Variants in SMARCA2 observed in about 807,000 individuals in gnomAD.
SMARCA2 encodes SWI/SNF-related matrix-associated actin-dependent regulator of chromatin subfamily A member 2.
Under a neutral mutation model 199.8 loss-of-function variants are expected in SMARCA2, and 61 were observed. The observed-to-expected ratio is 0.31, with a 90% CI of 0.25 to 0.38. The LOEUF (loss-of-function observed/expected upper bound fraction) is 0.38, where lower values mean the gene tolerates loss of function less well. Among genes scored for constraint, SMARCA2 ranks in the 10% least tolerant of loss-of-function variants. SMARCA2 has a pLI of 1.00. For missense variants in SMARCA2, 1,344 were observed against 2,012.2 expected (o/e 0.67, Z 6.35); for synonymous variants, 935 against 732.0 (o/e 1.28, Z -4.48).
At chr9:2,167,620 C>G (rs1248176671) in intron 28 of SMARCA2, among the ~76,000 whole-genome samples, 1 of 152,220 alleles carries the variant, frequency 6.6e-6, no homozygotes, top group Non-Finnish European at 1.5e-5. Context: ...GCTGTCTTCC[C>G]CTAGCTGGGA....
chr9:2,143,256 C>G (rs1824552314), intron 27 of SMARCA2, among the ~76,000 whole-genome samples: 1 of 152,162 alleles, frequency 6.6e-6, no homozygotes, highest in Non-Finnish European at 1.5e-5. Context: ...CCCCTGCTTA[C>G]TGTGACTGTG....
intron 25 of SMARCA2, among the ~76,000 whole-genome samples, chr9:2,116,881 C>T (rs1268430460): frequency 6.6e-6 from 1 of 152,102 alleles, no homozygotes; most frequent in African/African-American, 2.4e-5. Context: ...AGTAAGTCTA[C>T]CTTACATATT....
At chr9:2,029,648 C>G (rs1381218247) in intron 2 of SMARCA2, among the ~76,000 whole-genome samples, 1 of 152,132 alleles carries the variant, frequency 6.6e-6, no homozygotes, top group East Asian at 1.9e-4. Flanking sequence ...CATTTATTAA[C>G]AAAAATTAGA....
intron 31 of SMARCA2, 83 bp downstream of exon 31, chr9:2,182,325 C>G (rs370917406): frequency 3.6e-6 from 3 of 825,578 alleles, no homozygotes; most frequent in African/African-American, 3.4e-5. Context: ...CATTTTCTAC[C>G]TCTTGAATCA....
At chr9:2,022,788 T>A (rs1818663100) in intron 1 of SMARCA2, among the ~76,000 whole-genome samples, 1 of 152,196 alleles carries the variant, frequency 6.6e-6, no homozygotes, top group Admixed American at 6.5e-5. Flanking sequence ...GAGACAGGCA[T>A]ATGTGTAAAT....
chr9:2,043,379 G>A (rs913873684), intron 4 of SMARCA2: 1 of 152,168 alleles, frequency 6.6e-6, no homozygotes, highest in Non-Finnish European at 1.5e-5. Flanking sequence ...TCTTACGATG[G>A]AATGTGCCCT....
At chr9:2,087,947 T>C (rs1321475824) in intron 18 of SMARCA2, among the ~76,000 whole-genome samples, 1 of 152,150 alleles carries the variant, frequency 6.6e-6, no homozygotes, top group South Asian at 2.1e-4. Context: ...TAAGATGGAC[T>C]AAACTTGAAC....
At position 2,039,404 on chromosome 9, in the gene SMARCA2, G is replaced by C. The variant is rs542116700; in HGVS notation, c.356-62G>C. The C allele has an allele frequency of 8.7e-6, 13 of 1,486,174 alleles. No individual in the cohort carries two copies. In the East Asian group the frequency reaches 3.0e-4, roughly 34 times the overall value. 92.1% of individuals were successfully genotyped at this position (1,486,174 alleles called of 1,614,324 possible). A position where few individuals can be genotyped will look rare whatever the true frequency, so the allele number is the denominator to read the frequency against. On this transcript the variant is annotated intron_variant, in intron 3 of 33. Transcript: ENST00000349721. This position sits in a 1 kb window ranked among gnomAD's most constrained non-coding sequence, Gnocchi z 4.8. ...TGTGGACAATTATTAGAGTATTCAG[G>C]GATATCTCTCTTTCAGGGTTGTCAG...
At chr9:2,164,220 T>G (rs1406854826) in intron 28 of SMARCA2, among the ~76,000 whole-genome samples, 1 of 152,218 alleles carries the variant, frequency 6.6e-6, no homozygotes, top group East Asian at 1.9e-4. Context: ...TATGACTTCC[T>G]GGTATACATG....
In SMARCA2 at chr9:2,119,270, T is replaced by C. The variant is rs771857334; in HGVS notation, c.3685-188T>C. ...GACCACAGTTTCCTCCCTGAACGGA[T>C]TTTGCTCTGGGAAGATGGTTTTAAT... On this transcript the variant is annotated intron_variant, in intron 25 of 33. Transcript: ENST00000349721. This position sits in a 1 kb window ranked among gnomAD's most constrained non-coding sequence, Gnocchi z 4.6. 2.6e-5 allele frequency among the ~76,000 whole-genome samples: 4 copies of C among 152,138 alleles called. No homozygotes were observed. Among genetic ancestry groups the C allele is most frequent in the Non-Finnish European group, 5.9e-5 (4 of 68,012 alleles).
At chr9:2,023,192 G>A (rs1392366370) in intron 1 of SMARCA2, among the ~76,000 whole-genome samples, 1 of 152,166 alleles carries the variant, frequency 6.6e-6, no homozygotes, top group African/African-American at 2.4e-5. Context: ...AGGTTCATGG[G>A]GGACTAATTA....
intron 1 of SMARCA2, among the ~76,000 whole-genome samples, chr9:2,023,944 G>A (rs969483275): frequency 3.3e-5 from 5 of 152,162 alleles, no homozygotes; most frequent in African/African-American, 9.7e-5. Flanking sequence ...GTAACAGCCA[G>A]AACACTTTAA....
intron 4 of SMARCA2, chr9:2,040,335 C>A (rs1012638099): frequency 1.7e-5 from 4 of 238,236 alleles, no homozygotes; most frequent in Non-Finnish European, 3.2e-5. Context: ...TGAAGAACAT[C>A]TGGAGAGGCT....
At chr9:2,180,944 A>G (rs535017511) in intron 29 of SMARCA2, among the ~76,000 whole-genome samples, 3 of 152,142 alleles carry the variant, frequency 2.0e-5, no homozygotes, top group Admixed American at 6.6e-5. Context: ...CACACACACA[A>G]TGGCAGTTAG....
In SMARCA2 at chr9:2,170,367, G is replaced by A; in HGVS notation, c.4200-52G>A. ...CAGCCTAGGAAGAAGGAGCCGGGCG[G>A]GGACGAGAACCCAGGTCTTCTGACT... On this transcript the variant is annotated intron_variant, in intron 28 of 33. Coordinates refer to ENST00000349721, the MANE Select transcript of SMARCA2 (RefSeq NM_003070.5). This position sits in a 1 kb window ranked among gnomAD's most constrained non-coding sequence, Gnocchi z 4.7. 1.2e-6 allele frequency: 2 copies of A among 1,611,756 alleles called. No individual in the cohort carries two copies. Among genetic ancestry groups the A allele is most frequent in the Non-Finnish European group, 8.5e-7 (1 of 1,178,708 alleles).
chr9:2,085,851 C>G (rs901427803), intron 17 of SMARCA2: 2 of 152,208 alleles, frequency 1.3e-5, no homozygotes, highest in Non-Finnish European at 2.9e-5. Context: ...GCCATTGCCA[C>G]TGTTTTGTAG....
intron 7 of SMARCA2, chr9:2,058,054 G>GGAGGC (rs1254491210): frequency 2.5e-6 from 1 of 392,590 alleles, no homozygotes; most frequent in Non-Finnish European, 4.7e-6. Flanking sequence ...TCAAGGCTAA[G>GGAGGC]GAGGCTTCTC....
intron 24 of SMARCA2, among the ~76,000 whole-genome samples, chr9:2,111,003 G>A (rs1044438231): frequency 6.7e-6 from 1 of 150,252 alleles, no homozygotes; most frequent in Non-Finnish European, 1.5e-5. Context: ...TTTTAGCCAG[G>A]TAAGTTCAGG....
intron 29 of SMARCA2, among the ~76,000 whole-genome samples, chr9:2,173,435 C>T (rs1343525824): frequency 2.0e-5 from 3 of 152,326 alleles, no homozygotes; most frequent in East Asian, 3.9e-4. Context: ...CCAAGCACCT[C>T]TGCATTTAGT....
Sources: allele counts gnomAD v4.1 joint callset (sites outside exome capture counted in the v4.1 genomes callset), GRCh38; gene constraint gnomAD v4.1.1; non-coding constraint Gnocchi (gnomAD v3.1); transcripts MANE v1.5; gene names NCBI Gene and HGNC (gene_info 2026-07-23, HGNC 2026-07-21).